MKNK1: variants seen among roughly 807,000 people sequenced by gnomAD.
The protein encoded by MKNK1 is MAPK interacting serine/threonine kinase 1.
MKNK1 carries 30 observed loss-of-function variants against 49.3 expected under a neutral mutation model. That is an observed-to-expected ratio of 0.61 (90% CI 0.46 to 0.83). The LOEUF is 0.83. MKNK1 is among the 40% of genes least tolerant of loss of function. The pLI, the probability that MKNK1 is intolerant of heterozygous loss-of-function variation, is 0.00. For synonymous variants in MKNK1, 176 were observed against 201.7 expected, an observed-to-expected ratio of 0.87 and a Z score of 1.08; for missense variants, 423 against 524.7, an observed-to-expected ratio of 0.81 and a Z score of 1.89.
At chr1:46,586,442 C>T (rs1672582689) in intron 2 of MKNK1, among the ~76,000 whole-genome samples, 1 of 152,152 alleles carries the variant, frequency 6.6e-6, no homozygotes, top group South Asian at 2.1e-4. Flanking sequence ...CTGCGAGAAG[C>T]TCCACGAGGG....
intron 8 of MKNK1, among the ~76,000 whole-genome samples, chr1:46,567,286 A>G (rs79521752): frequency 6.6e-6 from 1 of 152,152 alleles, no homozygotes; most frequent in Admixed American, 6.5e-5. Context: ...CGTTCTTGTT[A>G]TGAGACAGAA....
intron 7 of MKNK1, among the ~76,000 whole-genome samples, chr1:46,570,613 G>A (rs1471083736): frequency 3.9e-5 from 6 of 152,196 alleles, no homozygotes; most frequent in East Asian, 1.9e-4. Flanking sequence ...CACTGGTCCC[G>A]GGCACCCACA....
chr1:46,577,313 T>C (rs1671116708), intron 4 of MKNK1, among the ~76,000 whole-genome samples: 1 of 152,104 alleles, frequency 6.6e-6, no homozygotes, highest in Non-Finnish European at 1.5e-5. Context: ...ACCCCGTCTC[T>C]ACTGAAAATA....
chr1:46,570,824 C>T (rs1052930642), intron 7 of MKNK1, among the ~76,000 whole-genome samples: 1 of 152,238 alleles, frequency 6.6e-6, no homozygotes, highest in African/African-American at 2.4e-5. Flanking sequence ...GAACTATGCT[C>T]CATCTATGCT....
chr1:46,563,103 C>G (rs1668338867), intron 9 of MKNK1: 1 of 419,262 alleles, frequency 2.4e-6, no homozygotes, highest in African/African-American at 2.1e-5. Context: ...AGGCAAAGAC[C>G]CTTGGCCAAG....
rs755396386 is a variant in MKNK1 at position 46,572,179 on chromosome 1, AG to A, written c.353-13del. ...GGCTAAGATGGAACCTGGGGAGCAGAGGGGACATAGAAGAATGCCTTTTTGG... is the reference window on the plus strand; with the variant it reads ...GGCTAAGATGGAACCTGGGGAGCAGAGGGACATAGAAGAATGCCTTTTTGG... On this transcript the variant is annotated splice_polypyrimidine_tract_variant and intron_variant, in intron 6 of 12. Coordinates refer to ENST00000371945, the MANE Select transcript of MKNK1 (RefSeq NM_001135553.4). 9.3e-6 allele frequency: 15 copies of A among 1,611,652 alleles called. No homozygotes were observed. The African/African-American group carries it at 1.2e-4, about 13-fold the overall frequency.
rs538490314 is a variant in MKNK1, at chr1:46,577,481, A to AAAATAAAT, written c.199-835_199-828dup. On this transcript the variant is annotated intron_variant, in intron 4 of 12. Transcript: ENST00000371945. ...AAGTAACAGAGAGACTCCATCTCAAAAAATAAATAAATAAATAAATAAATA... is the reference window on the plus strand; with the variant it reads ...AAGTAACAGAGAGACTCCATCTCAAAAAATAAATAAATAAATAAATAAATAAATAAATA... Among the ~76,000 whole-genome samples, 701 of 152,094 alleles carry AAAATAAAT rather than the reference A, an allele frequency of 4.6e-3. 5 individuals are homozygous for AAAATAAAT. Among genetic ancestry groups the AAAATAAAT allele is most frequent in the Admixed American group, 0.03 (464 of 15,280 alleles).
At chr1:46,568,336 C>A in intron 8 of MKNK1, 107 bp downstream of exon 8, 1 of 984,766 alleles carries the variant, frequency 1.0e-6, no homozygotes, top group South Asian at 1.3e-5. Flanking sequence ...ACGATCAGTT[C>A]AAGTTGGTGT....
intron 7 of MKNK1, chr1:46,568,766 G>A (rs1283939779): frequency 4.3e-6 from 2 of 469,910 alleles, no homozygotes; most frequent in East Asian, 8.2e-5. Context: ...CTACCCCTCA[G>A]TACCACAGTG....
At chr1:46,564,044 CAA>C (rs1217205121) in intron 9 of MKNK1, among the ~76,000 whole-genome samples, 11 of 39,084 alleles carry the variant, frequency 2.8e-4, no homozygotes, top group South Asian at 3.1e-3. Flanking sequence ...GACTCTGTCT[CAA>C]AAAAAAAAAA....
In MKNK1 at chr1:46,558,422, G is replaced by A. The variant is rs1281636711; in HGVS notation, c.*153C>T. 1.8e-5 allele frequency: 13 copies of A among 735,238 alleles called. No individual in the cohort carries two copies. Among genetic ancestry groups the A allele is most frequent in the Admixed American group, 1.7e-4 (5 of 28,986 alleles). 45.5% of individuals were successfully genotyped at this position (735,238 alleles called of 1,614,324 possible). A position where few individuals can be genotyped will look rare whatever the true frequency, so the allele number is the denominator to read the frequency against. On this transcript the variant is annotated 3_prime_UTR_variant, in exon 13 of 13. Transcript: ENST00000371945. ...CCTCCAGGACCCTAGGGAAATGGGG[G>A]TTGATGGGAACCTCAGGGCCTTCGT...
At chr1:46,602,989 C>T (rs1674946158) in intron 1 of MKNK1, among the ~76,000 whole-genome samples, 1 of 152,192 alleles carries the variant, frequency 6.6e-6, no homozygotes, top group Non-Finnish European at 1.5e-5. Context: ...GAGTTGCCAT[C>T]CCCCACAACT....
intron 1 of MKNK1, among the ~76,000 whole-genome samples, chr1:46,600,392 G>A (rs1674583972): frequency 6.6e-6 from 1 of 152,078 alleles, no homozygotes; most frequent in African/African-American, 2.4e-5. Context: ...TCCTATACTG[G>A]GAATCTTTAC....
chr1:46,583,774 G>A (rs1031370219), intron 2 of MKNK1, among the ~76,000 whole-genome samples: 6 of 152,180 alleles, frequency 3.9e-5, no homozygotes, highest in Admixed American at 3.9e-4. Context: ...TGAGTCATAG[G>A]CTCAGCAACA....
intron 2 of MKNK1, among the ~76,000 whole-genome samples, chr1:46,591,776 T>C (rs1673377893): frequency 6.6e-6 from 1 of 152,186 alleles, no homozygotes; most frequent in Admixed American, 6.5e-5. Flanking sequence ...ACATGTGCTT[T>C]TCCTTGCTTT....
chr1:46,600,882 C>T (rs1310729573), intron 1 of MKNK1, among the ~76,000 whole-genome samples: 1 of 152,028 alleles, frequency 6.6e-6, no homozygotes, highest in Non-Finnish European at 1.5e-5. Context: ...CATTTCACTT[C>T]TAGAACTATC....
rs75421528 is a variant in MKNK1 at position 46,603,832 on chromosome 1, C to A, written c.-171+353G>T. On this transcript the variant is annotated intron_variant, in intron 1 of 12. Coordinates refer to ENST00000371945, the MANE Select transcript of MKNK1 (RefSeq NM_001135553.4). ...CAATTAACTTAAAAATAACGCAGTA[C>A]ACAGATTTCACAAATTCCTCACGTG... 8.8e-3 allele frequency among the ~76,000 whole-genome samples: 1,344 copies of A among 152,338 alleles called. 14 individuals are homozygous for A. The highest frequency in any genetic ancestry group is 0.039 in the South Asian group (190 of 4,828).
In MKNK1 at chr1:46,594,299, GA is replaced by G. The variant is rs1224071809; in HGVS notation, c.-170-20del. ...TGGAAACCTTGAAAAAGCAGAAATAGAAAGGAAATCAAAATGCTGACTTCTT... is the reference window on the plus strand; with the variant it reads ...TGGAAACCTTGAAAAAGCAGAAATAGAAGGAAATCAAAATGCTGACTTCTT... On this transcript the variant is annotated intron_variant, in intron 1 of 12. Coordinates refer to ENST00000371945, the MANE Select transcript of MKNK1 (RefSeq NM_001135553.4). 3 of 698,844 alleles carry G rather than the reference GA, an allele frequency of 4.3e-6. No homozygotes were observed. The highest frequency in any genetic ancestry group is 1.8e-5 in the African/African-American group (1 of 56,504). The allele number at this position is 698,844 out of a possible 1,614,324, so 43.3% of individuals were successfully genotyped here. A position where few individuals can be genotyped will look rare whatever the true frequency, so the allele number is the denominator to read the frequency against.
At position 46,558,401 on chromosome 1, in the gene MKNK1, C is replaced by T. The variant is rs1667338921; in HGVS notation, c.*174G>A. On this transcript the variant is annotated 3_prime_UTR_variant, in exon 13 of 13. Coordinates refer to ENST00000371945, the MANE Select transcript of MKNK1 (RefSeq NM_001135553.4). Reference sequence around the variant, plus strand: ...CCCCTTTGGAAAAAGCTTTTTCCTCCAGGACCCTAGGGAAATGGGGGTTGA... The same window carrying T: ...CCCCTTTGGAAAAAGCTTTTTCCTCTAGGACCCTAGGGAAATGGGGGTTGA... 3 of 633,566 alleles carry T rather than the reference C, an allele frequency of 4.7e-6. No homozygotes were observed. The highest frequency in any genetic ancestry group is 1.9e-5 in the African/African-American group (1 of 54,044). The allele number at this position is 633,566 out of a possible 1,614,324, so 39.2% of individuals were successfully genotyped here.
Sources: gnomAD v4.1 joint callset for allele counts (sites outside exome capture counted in the v4.1 genomes callset) on GRCh38, gnomAD v4.1.1 for gene constraint, MANE v1.5 for transcripts, NCBI Gene and HGNC (gene_info 2026-07-23, HGNC 2026-07-21) for gene names.